The following ANKFY1 variants were observed in gnomAD, a reference collection of about 807,000 sequenced individuals.
ANKFY1 encodes the protein ankyrin repeat and FYVE domain containing 1.
Under a neutral mutation model 128.3 loss-of-function variants are expected in ANKFY1, and 47 were observed. The observed-to-expected ratio is 0.37, with a 90% CI of 0.29 to 0.47. ANKFY1 has a LOEUF of 0.47. Among genes scored for constraint, ANKFY1 ranks in the 20% least tolerant of loss-of-function variants. ANKFY1 has a pLI of 1.00. For synonymous variants in ANKFY1, 553 were observed against 601.6 expected (o/e 0.92, Z 1.18); for missense variants, 1,222 against 1,510.6 (o/e 0.81, Z 3.17).
At chr17:4,197,646 A>G (rs952226235) in intron 7 of ANKFY1, 69 bp from the exon 8 acceptor site, 1 of 1,449,632 alleles carries the variant, frequency 6.9e-7, no homozygotes, top group African/African-American at 1.4e-5. Context: ...TTCAAGAGGG[A>G]GCAGAAAATG....
chr17:4,170,021 T>C (rs1198373204), intron 23 of ANKFY1, among the ~76,000 whole-genome samples: 1 of 152,184 alleles, frequency 6.6e-6, no homozygotes, highest in Non-Finnish European at 1.5e-5. Flanking sequence ...GCACCGGTGC[T>C]GAGCTTTTCA....
Position 4,169,243 on chromosome 17 carries a change from T to C in ANKFY1, c.3332A>G (p.Tyr1111Cys), listed in dbSNP as rs977499623. The C allele has an allele frequency of 2.4e-5, 38 of 1,552,580 alleles. No homozygotes were observed. Among genetic ancestry groups the C allele is most frequent in the Admixed American group, 3.9e-5 (2 of 51,200 alleles). ...GACTCCGAACCTGGCAGTGCACTCA[T>C]AGCAGTAGGAGCCGTCACACCACGG... ...EPPWCDGSYC[Y>C]ECTARFGVTT... The change falls in exon 24 of 25, where the codon TAT becomes TGT. Residue 1111 changes from tyrosine (Y) to cysteine (C), a missense_variant. Tyr to Cys is a radical substitution (Grantham distance 194, BLOSUM62 -2). Transcript: ENST00000341657. The surrounding 1 kb of genome is among the most constrained non-coding windows in gnomAD (Gnocchi z 5.0).
chr17:4,260,670 G>A (rs1968369693), intron 1 of ANKFY1, among the ~76,000 whole-genome samples: 1 of 148,460 alleles, frequency 6.7e-6, no homozygotes, highest in East Asian at 1.9e-4. Flanking sequence ...GATTAAGCAG[G>A]ATAGCCACAG....
intron 3 of ANKFY1, chr17:4,222,363 T>C (rs1598102807): frequency 6.4e-6 from 5 of 777,316 alleles, no homozygotes; most frequent in Non-Finnish European, 1.2e-5. Context: ...TTCACTACGC[T>C]CTGTCCTTTA....
Position 4,217,044 on chromosome 17 carries a change from C to T in ANKFY1, c.397G>A (p.Val133Met). ...TDELEFREDD[V>M]FLTELMKLAN... The stretch of plus-strand genomic sequence containing the variant: ...AGTTTCATCAGTTCAGTCAGGAACA[C>T]ATCATCCTCTCTGAACTCCAGCTCA... Residue 133 changes from valine to methionine, a missense_variant, in exon 4 of 25, where the codon GTG becomes ATG. Physicochemically the swap from Val to Met is conservative, Grantham distance 21. Coordinates refer to ENST00000341657, the MANE Select transcript of ANKFY1 (RefSeq NM_001330063.2). The T allele has an allele frequency of 1.2e-6, 2 of 1,614,148 alleles. No homozygotes were observed. Among genetic ancestry groups the T allele is most frequent in the Admixed American group, 3.3e-5 (2 of 60,030 alleles).
chr17:4,194,267 G>C (rs910112516), intron 10 of ANKFY1, among the ~76,000 whole-genome samples: 2 of 151,072 alleles, frequency 1.3e-5, no homozygotes, highest in Non-Finnish European at 2.9e-5. Flanking sequence ...ACCATGCCCA[G>C]CTGATAATTT....
At chr17:4,254,248 G>A (rs1967996074) in intron 1 of ANKFY1, among the ~76,000 whole-genome samples, 1 of 142,272 alleles carries the variant, frequency 7.0e-6, no homozygotes, top group Non-Finnish European at 1.5e-5. Context: ...AGGTTGCAAT[G>A]AGCCAAGATC....
intron 4 of ANKFY1, among the ~76,000 whole-genome samples, chr17:4,213,524 A>G (rs1217824678): frequency 6.6e-6 from 1 of 151,872 alleles, no homozygotes; most frequent in Non-Finnish European, 1.5e-5. Context: ...TTACAATAAT[A>G]AACAAGAATG....
intron 1 of ANKFY1, among the ~76,000 whole-genome samples, chr17:4,251,280 G>GT (rs1206385455): frequency 3.3e-5 from 5 of 151,916 alleles, no homozygotes; most frequent in Admixed American, 3.3e-4. Flanking sequence ...ATATCTAAAC[G>GT]TAAGGGTTAA....
At chr17:4,263,860 G>A (rs1005567959) in intron 1 of ANKFY1, 72 bp downstream of exon 1, 22 of 1,612,692 alleles carry the variant, frequency 1.4e-5, no homozygotes, top group African/African-American at 2.7e-5. Context: ...CCCCTCCCAC[G>A]GCAGCTTCGC....
intron 3 of ANKFY1, among the ~76,000 whole-genome samples, chr17:4,227,537 G>GA (rs2143184976): frequency 6.6e-6 from 1 of 152,224 alleles, no homozygotes; most frequent in African/African-American, 2.4e-5. Context: ...GCGTATCCAA[G>GA]AAAAACCTAC....
rs1226351474 is a variant in ANKFY1, at chr17:4,167,849, A to G, written c.3440T>C (p.Phe1147Ser). ...AACCCGCACAGGCTTGTTCAGATCAAACTTTATAATAGGAATCTCCTTGGT... is the reference window on the plus strand; with the variant it reads ...AACCCGCACAGGCTTGTTCAGATCAGACTTTATAATAGGAATCTCCTTGGT... ...CSTKEIPIIK[F>S]DLNKPVRVCN... Residue 1147 changes from phenylalanine (F) to serine (S), a missense_variant, in exon 25 of 25, where the codon TTT becomes TCT. Physicochemically the swap from Phe to Ser is radical, Grantham distance 155. Transcript: ENST00000341657. The surrounding 1 kb of genome is among the most constrained non-coding windows in gnomAD (Gnocchi z 4.1). The G allele has an allele frequency of 1.2e-6, 2 of 1,614,132 alleles. No homozygotes were observed. The highest frequency in any genetic ancestry group is 1.7e-6 in the Non-Finnish European group (2 of 1,180,002).
At chr17:4,179,630 A>G in intron 17 of ANKFY1, 91 bp downstream of exon 17, 1 of 1,503,564 alleles carries the variant, frequency 6.7e-7, no homozygotes, top group African/African-American at 1.4e-5. Context: ...AGCGCCTGGA[A>G]CTGGGGACTG....
At chr17:4,168,401 C>T (rs753170735) in intron 24 of ANKFY1, among the ~76,000 whole-genome samples, 35 of 152,242 alleles carry the variant, frequency 2.3e-4, no homozygotes, top group Admixed American at 3.9e-4. Context: ...TGCAGTAAGC[C>T]GAGCTCGTGT....
chr17:4,223,263 T>C (rs1051100143), intron 3 of ANKFY1: 2 of 864,156 alleles, frequency 2.3e-6, no homozygotes, highest in Non-Finnish European at 4.0e-6. Flanking sequence ...CTGCCTTACA[T>C]GAACTGAGGG....
At chr17:4,230,226 T>C (rs1255806839) in intron 3 of ANKFY1, among the ~76,000 whole-genome samples, 5 of 152,222 alleles carry the variant, frequency 3.3e-5, no homozygotes, top group African/African-American at 1.2e-4. Flanking sequence ...CTTCAGGGGA[T>C]AGCTTTCCCA....
At chr17:4,231,736 G>C (rs2060515066) in intron 3 of ANKFY1, among the ~76,000 whole-genome samples, 1 of 151,944 alleles carries the variant, frequency 6.6e-6, no homozygotes, top group Non-Finnish European at 1.5e-5. Flanking sequence ...CTTGAGTCCA[G>C]GAGTTCAAGA....
In ANKFY1 at chr17:4,195,471, C is replaced by A. The variant is rs2059801130; in HGVS notation, c.1104G>T (p.Arg368Ser). The A allele has an allele frequency of 2.5e-6, 4 of 1,613,814 alleles. No homozygotes were observed. Among genetic ancestry groups the A allele is most frequent in the Non-Finnish European group, 2.5e-6 (3 of 1,179,922 alleles). ...ANPNMQDSKG[R>S]TPLHVSIMAG... ...CCATGATGGACACATGTAAAGGAGT[C>A]CTGCGGGATCCAAAAGAAGAGGGGT... Residue 368 changes from arginine to serine, a missense_variant and splice_region_variant, in exon 9 of 25, where the codon AGG becomes AGT. Transcript: ENST00000341657.
intron 21 of ANKFY1, among the ~76,000 whole-genome samples, chr17:4,173,012 A>T (rs1004898901): frequency 6.6e-6 from 1 of 151,994 alleles, no homozygotes; most frequent in Admixed American, 6.5e-5. Flanking sequence ...GCCCGCCACC[A>T]CGCCCAGATA....
Sources: gnomAD v4.1 joint callset for allele counts (sites outside exome capture counted in the v4.1 genomes callset) on GRCh38, gnomAD v4.1.1 for gene constraint, Gnocchi (gnomAD v3.1) non-coding constraint, MANE v1.5 for transcripts, NCBI Gene and HGNC (gene_info 2026-07-23, HGNC 2026-07-21) for gene names.